The following SORCS3 variants were observed in gnomAD, a reference collection of about 807,000 sequenced individuals.
SORCS3 encodes VPS10 domain-containing receptor SorCS3.
SORCS3 carries 57 observed loss-of-function variants against 146.3 expected under a neutral mutation model. That is an observed-to-expected ratio of 0.39 (90% CI 0.31 to 0.49). The LOEUF is 0.49. SORCS3 is among the 20% of genes least tolerant of loss of function. The probability of loss-of-function intolerance (pLI) is 0.92; values close to 1 mark genes in which losing one functional copy is unlikely to be tolerated. For missense variants in SORCS3, 1,341 were observed against 1,575.5 expected, an observed-to-expected ratio of 0.85 and a Z score of 2.52; for synonymous variants, 653 against 618.5, an observed-to-expected ratio of 1.06 and a Z score of -0.83.
Position 104,847,750 on chromosome 10 carries a change from TCTTGCTTTATTGCACCCACCCTTAGC to T in SORCS3, c.695+4914_695+4939del, listed in dbSNP as rs552031032. 4.6e-5 allele frequency among the ~76,000 whole-genome samples: 7 copies of T among 152,272 alleles called. No individual in the cohort carries two copies. The South Asian group carries it at 1.0e-3, about 23-fold the overall frequency. ...ACCTTGGTTCTTCACCTCTCTCCTC[TCTTGCTTTATTGCACCCACCCTTAGC>T]CTTGCTTTATTGCACCCACCCTAGT... is the stretch of plus-strand genomic sequence containing the variant. On this transcript the variant is annotated intron_variant, in intron 2 of 26. Coordinates refer to ENST00000369701, the MANE Select transcript of SORCS3 (RefSeq NM_014978.3).
At chr10:104,876,750 T>TTCCTTACTTCCTTC (rs1296770635) in intron 2 of SORCS3, among the ~76,000 whole-genome samples, 2 of 111,014 alleles carry the variant, frequency 1.8e-5, no homozygotes, top group African/African-American at 7.9e-5. Context: ...TTCCTTCCTT[T>TTCCTTACTTCCTTC]CTTTCTTTCT....
At chr10:104,806,423 G>C (rs989831534) in intron 1 of SORCS3, among the ~76,000 whole-genome samples, 1 of 152,210 alleles carries the variant, frequency 6.6e-6, no homozygotes, top group Non-Finnish European at 1.5e-5. Flanking sequence ...GGTGACATGA[G>C]AGTAATCATG....
At chr10:104,973,072 T>G (rs1304025158) in intron 3 of SORCS3, among the ~76,000 whole-genome samples, 1 of 152,144 alleles carries the variant, frequency 6.6e-6, no homozygotes, top group Non-Finnish European at 1.5e-5. Flanking sequence ...ATAAGCTTTT[T>G]GATGTGCTGC....
At chr10:104,669,723 T>C (rs535879406) in intron 1 of SORCS3, among the ~76,000 whole-genome samples, 11 of 152,224 alleles carry the variant, frequency 7.2e-5, no homozygotes, top group Non-Finnish European at 1.3e-4. Flanking sequence ...CCAGTATCTC[T>C]TTGAGATCCT....
At chr10:105,257,901 G>A (rs1415107097) in intron 25 of SORCS3, among the ~76,000 whole-genome samples, 1 of 152,092 alleles carries the variant, frequency 6.6e-6, no homozygotes, top group East Asian at 1.9e-4. Flanking sequence ...GCCTAGAAAT[G>A]TGCTCCCTGG....
intron 5 of SORCS3, among the ~76,000 whole-genome samples, chr10:105,058,801 T>G (rs1189460214): frequency 1.3e-5 from 2 of 152,094 alleles, no homozygotes. Flanking sequence ...TTGCTAAAAA[T>G]GCAGACTCTA....
chr10:105,224,383 T>C (rs1156890144), intron 20 of SORCS3, among the ~76,000 whole-genome samples: 1 of 152,212 alleles, frequency 6.6e-6, no homozygotes, highest in African/African-American at 2.4e-5. Flanking sequence ...CAATATGCAT[T>C]TAAGTTTCCT....
chr10:105,063,271 C>T (rs946645605), intron 5 of SORCS3, among the ~76,000 whole-genome samples: 4 of 152,120 alleles, frequency 2.6e-5, no homozygotes, highest in African/African-American at 4.8e-5. Flanking sequence ...GAACAGCTAC[C>T]GACCTTGGCA....
At chr10:104,963,456 T>C (rs889468825) in intron 3 of SORCS3, among the ~76,000 whole-genome samples, 1 of 152,276 alleles carries the variant, frequency 6.6e-6, no homozygotes, top group Non-Finnish European at 1.5e-5. Flanking sequence ...ATTTTAAGAG[T>C]ATCTCACTCT....
chr10:104,974,357 T>A (rs922005354), intron 3 of SORCS3, among the ~76,000 whole-genome samples: 2 of 152,180 alleles, frequency 1.3e-5, no homozygotes, highest in African/African-American at 2.4e-5. Context: ...ACTCAGGACT[T>A]GCTTTATGAA....
At chr10:104,654,981 A>T (rs1018397953) in intron 1 of SORCS3, among the ~76,000 whole-genome samples, 1 of 152,198 alleles carries the variant, frequency 6.6e-6, no homozygotes, top group East Asian at 1.9e-4. Flanking sequence ...GGCAGGTTGC[A>T]TTGGCTCATG....
At chr10:104,951,635 A>G (rs1391162772) in intron 3 of SORCS3, among the ~76,000 whole-genome samples, 20 of 152,290 alleles carry the variant, frequency 1.3e-4, no homozygotes, top group Non-Finnish European at 5.9e-5. Context: ...GTGAGCCACC[A>G]TGGTTAAATA....
At chr10:104,691,882 A>G (rs750379931) in intron 1 of SORCS3, among the ~76,000 whole-genome samples, 1 of 152,120 alleles carries the variant, frequency 6.6e-6, no homozygotes, top group Non-Finnish European at 1.5e-5. Context: ...CTAGGACTAT[A>G]GGTGTGGACC....
chr10:105,091,113 C>T (rs1178324583), intron 6 of SORCS3, among the ~76,000 whole-genome samples: 1 of 117,398 alleles, frequency 8.5e-6, no homozygotes, highest in Non-Finnish European at 1.8e-5. Flanking sequence ...CTCCCTTTTT[C>T]CCTCCCTCCC....
intron 9 of SORCS3, among the ~76,000 whole-genome samples, chr10:105,148,563 G>A (rs941071887): frequency 1.3e-5 from 2 of 152,044 alleles, no homozygotes; most frequent in African/African-American, 4.8e-5. Flanking sequence ...ATTGAGTTGA[G>A]CAATGAAGGT....
intron 7 of SORCS3, among the ~76,000 whole-genome samples, chr10:105,129,196 T>G (rs543362506): frequency 6.6e-6 from 1 of 152,214 alleles, no homozygotes; most frequent in South Asian, 2.1e-4. Context: ...TAAAAAGGAA[T>G]TAGGCCATTT....
At chr10:105,067,371 A>G (rs920611042) in intron 5 of SORCS3, among the ~76,000 whole-genome samples, 7 of 152,166 alleles carry the variant, frequency 4.6e-5, no homozygotes, top group African/African-American at 1.7e-4. Flanking sequence ...TACTAAAAAT[A>G]CAAAAATTAG....
At chr10:105,106,166 T>G (rs144659092) in intron 7 of SORCS3, among the ~76,000 whole-genome samples, 1 of 152,336 alleles carries the variant, frequency 6.6e-6, no homozygotes, top group East Asian at 1.9e-4. Flanking sequence ...TGACAGAGGA[T>G]GCATGTGATA....
At chr10:105,228,011 G>GTT in intron 20 of SORCS3, among the ~76,000 whole-genome samples, 1 of 150,706 alleles carries the variant, frequency 6.6e-6, no homozygotes, top group East Asian at 2.0e-4. Context: ...GTGTGTGTGT[G>GTT]TGTGTGTGTG....
Sources: allele counts gnomAD v4.1 joint callset (sites outside exome capture counted in the v4.1 genomes callset), GRCh38; gene constraint gnomAD v4.1.1; transcripts MANE v1.5; gene names NCBI Gene and HGNC (gene_info 2026-07-23, HGNC 2026-07-21).